FBXO16: variants seen among roughly 807,000 people sequenced by gnomAD.
The protein encoded by FBXO16 is F-box protein 16.
In FBXO16, 31 loss-of-function variants were observed where a neutral mutation model predicts 41.0. That is an observed-to-expected ratio of 0.76 (90% CI 0.57 to 1.02). The LOEUF is 1.02. Ranked by LOEUF, FBXO16 falls within the 50% of genes least tolerant of loss-of-function variation. The pLI is 0.00. For synonymous variants in FBXO16, 133 were observed against 117.8 expected, an observed-to-expected ratio of 1.13 and a Z score of -0.84; for missense variants, 361 against 346.2, an observed-to-expected ratio of 1.04 and a Z score of -0.34.
intron 7 of FBXO16, among the ~76,000 whole-genome samples, chr8:28,433,658 A>G (rs1193015708): frequency 6.6e-6 from 1 of 152,194 alleles, no homozygotes; most frequent in Non-Finnish European, 1.5e-5. Context: ...CAGTGCCTGT[A>G]AAATCCTTGT....
chr8:28,445,908 T>C lies in FBXO16; in HGVS notation c.843+1263A>G, dbSNP rs138843086. Among the ~76,000 whole-genome samples the C allele has an allele frequency of 1.9e-3, 287 of 152,318 alleles. 2 individuals are homozygous for C. The highest frequency in any genetic ancestry group is 6.5e-3 in the African/African-American group (269 of 41,572). The stretch of plus-strand genomic sequence containing the variant: ...TATATTAATTTTCCTTGAGTGTGTA[T>C]CTTCATCTCTTTTCTAAATCCTTAC... On this transcript the variant is annotated intron_variant, in intron 7 of 8. Transcript: ENST00000380254.
intron 1 of FBXO16, among the ~76,000 whole-genome samples, chr8:28,488,459 C>A (rs144094299): frequency 0.031 from 4,178 of 134,452 alleles, 98 homozygotes; most frequent in Non-Finnish European, 0.051. Context: ...CCACACCTGG[C>A]TAATTTTTTT....
In FBXO16 at chr8:28,452,471, G is replaced by C; in HGVS notation, c.513C>G (p.Pro171=). 1 of 1,613,606 alleles carries C rather than the reference G, an allele frequency of 6.2e-7. No individual in the cohort carries two copies. Among genetic ancestry groups the C allele is most frequent in the South Asian group, 1.1e-5 (1 of 91,062 alleles). ...KELHITKPKT[P]PKDGFVIADV... ...CAGCGATTACAAATCCATCCTTTGG[G>C]GGTGTCTAGAAGAAGAAAGTTAATT... The change falls in exon 6 of 9, where the codon CCC becomes CCG. Residue 171 remains proline, a synonymous_variant. Coordinates refer to ENST00000380254, the MANE Select transcript of FBXO16 (RefSeq NM_172366.4).
At chr8:28,433,487 C>G (rs17059083) in intron 7 of FBXO16, among the ~76,000 whole-genome samples, 14,710 of 152,158 alleles carry the variant, frequency 0.097, 1,942 homozygotes, top group African/African-American at 0.28. Flanking sequence ...ATATTTCCTG[C>G]TAGGTTTCCA....
chr8:28,472,086 T>C (rs1210209852), intron 3 of FBXO16, among the ~76,000 whole-genome samples: 1 of 152,126 alleles, frequency 6.6e-6, no homozygotes. Flanking sequence ...CAAATTCATC[T>C]TTCTATTTTG....
chr8:28,475,253 C>T (rs996153300), intron 2 of FBXO16, among the ~76,000 whole-genome samples: 1 of 152,122 alleles, frequency 6.6e-6, no homozygotes, highest in Non-Finnish European at 1.5e-5. Context: ...GCTCTGGTTG[C>T]CAAGGACATA....
intron 7 of FBXO16, among the ~76,000 whole-genome samples, chr8:28,433,412 G>C (rs969019009): frequency 1.3e-5 from 2 of 152,174 alleles, no homozygotes; most frequent in African/African-American, 4.8e-5. Flanking sequence ...CCTGGGCTCC[G>C]GGCCCATCTA....
Position 28,463,304 on chromosome 8 carries a change from TTG to T in FBXO16, c.342+306_342+307del, listed in dbSNP as rs371530816. Among the ~76,000 whole-genome samples, 1,170 of 150,374 alleles carry T rather than the reference TTG, an allele frequency of 7.8e-3. 7 individuals carry two copies. The highest frequency in any genetic ancestry group is 0.019 in the African/African-American group (786 of 40,784). On this transcript the variant is annotated intron_variant, in intron 4 of 8. Transcript: ENST00000380254. ...TGTGTATATGTATGTTTGTGTGTGT[TTG>T]TGTGTGTGTGTATATGTGTATGTGT...
At chr8:28,436,615 A>G (rs1802690840) in intron 7 of FBXO16, among the ~76,000 whole-genome samples, 1 of 152,194 alleles carries the variant, frequency 6.6e-6, no homozygotes, top group Admixed American at 6.5e-5. Context: ...AAATGTTCAA[A>G]GGCCATAAGG....
intron 7 of FBXO16, among the ~76,000 whole-genome samples, chr8:28,431,997 T>C (rs887533776): frequency 3.6e-5 from 5 of 137,072 alleles, no homozygotes; most frequent in Non-Finnish European, 7.3e-5. Flanking sequence ...CCAGTGATAC[T>C]GCATATGTAG....
intron 7 of FBXO16, among the ~76,000 whole-genome samples, chr8:28,441,753 T>C (rs199631393): frequency 7.2e-6 from 1 of 139,504 alleles, no homozygotes; most frequent in Non-Finnish European, 1.6e-5. Flanking sequence ...AAAAAAAAAC[T>C]AAAAAAAAAA....
At chr8:28,453,835 T>C (rs1229619220) in intron 5 of FBXO16, among the ~76,000 whole-genome samples, 2 of 152,042 alleles carry the variant, frequency 1.3e-5, no homozygotes, top group African/African-American at 4.8e-5. Flanking sequence ...GGGATCTTTC[T>C]ATGTTTAGCA....
chr8:28,473,685 C>T, intron 3 of FBXO16, 87 bp downstream of exon 3: 1 of 1,103,668 alleles, frequency 9.1e-7, no homozygotes. Flanking sequence ...TATTTATAAG[C>T]CACCCAGTCT....
At chr8:28,431,401 C>T (rs1802603999) in intron 7 of FBXO16, among the ~76,000 whole-genome samples, 1 of 152,180 alleles carries the variant, frequency 6.6e-6, no homozygotes, top group African/African-American at 2.4e-5. Context: ...AGAGAAAAGA[C>T]AAGATTTAAG....
chr8:28,442,415 GCT>G (rs1351273355), intron 7 of FBXO16, among the ~76,000 whole-genome samples: 1 of 151,966 alleles, frequency 6.6e-6, no homozygotes, highest in Non-Finnish European at 1.5e-5. Flanking sequence ...ACAGAGTCTT[GCT>G]CTGTCGCCCA....
intron 2 of FBXO16, among the ~76,000 whole-genome samples, chr8:28,482,631 T>C (rs547251256): frequency 4.6e-5 from 7 of 152,220 alleles, no homozygotes; most frequent in African/African-American, 1.7e-4. Flanking sequence ...AGTGCAATGG[T>C]GTGATCTTGG....
intron 3 of FBXO16, among the ~76,000 whole-genome samples, chr8:28,466,095 C>T (rs958744583): frequency 6.6e-6 from 1 of 152,044 alleles, no homozygotes; most frequent in Non-Finnish European, 1.5e-5. Flanking sequence ...CAAAATTAGC[C>T]AGGCATGGTG....
intron 3 of FBXO16, among the ~76,000 whole-genome samples, chr8:28,464,258 T>C (rs1441379922): frequency 6.6e-6 from 1 of 152,124 alleles, no homozygotes; most frequent in Non-Finnish European, 1.5e-5. Context: ...CAAGCAAATA[T>C]CCCTCAGAAG....
intron 6 of FBXO16, 106 bp from the exon 7 acceptor site, chr8:28,447,379 G>C: frequency 1.0e-6 from 1 of 981,998 alleles, no homozygotes. Context: ...TGATTTAAAA[G>C]ATTGTCTCCA....
Sources: allele counts gnomAD v4.1 joint callset (sites outside exome capture counted in the v4.1 genomes callset), GRCh38; gene constraint gnomAD v4.1.1; transcripts MANE v1.5; gene names NCBI Gene and HGNC (gene_info 2026-07-23, HGNC 2026-07-21).